CHST11: variants seen among roughly 807,000 people sequenced by gnomAD.
CHST11 encodes C4S-1.
CHST11 carries 9 observed loss-of-function variants against 30.4 expected under a neutral mutation model. The ratio of observed to expected loss-of-function variants is 0.30; its 90% CI spans 0.18 to 0.52. The LOEUF is 0.52. Among genes scored for constraint, CHST11 ranks in the 20% least tolerant of loss-of-function variants. The probability of loss-of-function intolerance (pLI) is 0.97; values close to 1 mark genes in which losing one functional copy is unlikely to be tolerated. For missense variants in CHST11, 348 were observed against 460.6 expected, an observed-to-expected ratio of 0.76 and a Z score of 2.24; for synonymous variants, 152 against 187.8, an observed-to-expected ratio of 0.81 and a Z score of 1.56.
At chr12:104,474,745 T>A (rs1019126876) in intron 1 of CHST11, among the ~76,000 whole-genome samples, 8 of 150,236 alleles carry the variant, frequency 5.3e-5, no homozygotes, top group Admixed American at 5.3e-4. Context: ...GGGCATTGGG[T>A]GGGCATTGGG....
chr12:104,711,562 G>A (rs1008560814), intron 2 of CHST11, among the ~76,000 whole-genome samples: 4 of 152,094 alleles, frequency 2.6e-5, no homozygotes, highest in East Asian at 1.9e-4. Context: ...AATCCAAAGT[G>A]GGGGATGGCA....
chr12:104,570,686 C>T (rs892755733), intron 1 of CHST11, among the ~76,000 whole-genome samples: 1 of 145,424 alleles, frequency 6.9e-6, no homozygotes, highest in African/African-American at 2.5e-5. Context: ...ATATGTAAGC[C>T]ACTGCACTTT....
At chr12:104,637,430 T>C (rs916882328) in intron 2 of CHST11, among the ~76,000 whole-genome samples, 9 of 149,380 alleles carry the variant, frequency 6.0e-5, no homozygotes, top group South Asian at 4.3e-4. Context: ...GGCACATGTA[T>C]ACATATGTAA....
chr12:104,574,217 G>C (rs923054058), intron 1 of CHST11, among the ~76,000 whole-genome samples: 1 of 152,230 alleles, frequency 6.6e-6, no homozygotes, highest in African/African-American at 2.4e-5. Flanking sequence ...AACAACAGGT[G>C]CTGGAGAGGA....
chr12:104,743,409 G>A (rs544569251), intron 2 of CHST11, among the ~76,000 whole-genome samples: 1 of 152,214 alleles, frequency 6.6e-6, no homozygotes, highest in African/African-American at 2.4e-5. Flanking sequence ...GTTCCACTAA[G>A]TGAGCAGGGG....
rs1474680500 is a variant in CHST11, at chr12:104,619,004, G to A, written c.204+17013G>A. Among the ~76,000 whole-genome samples the A allele has an allele frequency of 3.9e-5, 6 of 152,356 alleles. No individual in the cohort carries two copies. In the East Asian group the frequency reaches 1.2e-3, roughly 29 times the overall value. On this transcript the variant is annotated intron_variant, in intron 2 of 2. Transcript: ENST00000303694. ...CAGTGGTTTGTGGAAGGAGTATACA[G>A]AGCTTGTAAATGGGCTGAGTCAATG...
At chr12:104,514,184 G>C (rs1425995556) in intron 1 of CHST11, 1 of 934,538 alleles carries the variant, frequency 1.1e-6, no homozygotes, top group Non-Finnish European at 1.8e-6. Flanking sequence ...TGGCCACATA[G>C]GAGTTCCAGA....
intron 2 of CHST11, among the ~76,000 whole-genome samples, chr12:104,674,286 G>A (rs533568751): frequency 9.9e-5 from 15 of 152,174 alleles, no homozygotes; most frequent in South Asian, 2.1e-4. Flanking sequence ...AGAGTGATCC[G>A]AACCAGATCA....
At chr12:104,571,363 C>T (rs1471332398) in intron 1 of CHST11, among the ~76,000 whole-genome samples, 1 of 151,770 alleles carries the variant, frequency 6.6e-6, no homozygotes, top group Non-Finnish European at 1.5e-5. Flanking sequence ...GGGTTTCCCC[C>T]TGTTGGTCAG....
chr12:104,571,855 A>G (rs1028879365), intron 1 of CHST11, among the ~76,000 whole-genome samples: 1 of 152,226 alleles, frequency 6.6e-6, no homozygotes, highest in Non-Finnish European at 1.5e-5. Context: ...TGGGTTTGTC[A>G]TAGATAGCTC....
intron 2 of CHST11, among the ~76,000 whole-genome samples, chr12:104,752,977 C>G (rs1430634643): frequency 8.5e-5 from 13 of 152,172 alleles, no homozygotes; most frequent in Admixed American, 7.2e-4. Flanking sequence ...CCGGGGATAT[C>G]GCTATGGAAA....
Position 104,593,435 on chromosome 12 carries a change from C to T in CHST11, c.119-8471C>T, listed in dbSNP as rs368008871. Among the ~76,000 whole-genome samples the T allele has an allele frequency of 5.9e-5, 9 of 152,300 alleles. No individual in the cohort carries two copies. The East Asian group carries it at 1.3e-3, about 23-fold the overall frequency. On this transcript the variant is annotated intron_variant, in intron 1 of 2. Transcript: ENST00000303694. Reference sequence around the variant, plus strand: ...TTAAGTTTGATAATGGCATGAATGACAGGTTAGGCTGAACCCTATTTTCAC... The same window carrying T: ...TTAAGTTTGATAATGGCATGAATGATAGGTTAGGCTGAACCCTATTTTCAC...
At chr12:104,670,068 C>G (rs1408866915) in intron 2 of CHST11, among the ~76,000 whole-genome samples, 1 of 152,256 alleles carries the variant, frequency 6.6e-6, no homozygotes, top group East Asian at 1.9e-4. Context: ...AAGCCAACAG[C>G]TGGACAGAGG....
At chr12:104,708,103 A>G (rs1265103821) in intron 2 of CHST11, among the ~76,000 whole-genome samples, 1 of 152,204 alleles carries the variant, frequency 6.6e-6, no homozygotes, top group East Asian at 1.9e-4. Flanking sequence ...TTGTCGGGCC[A>G]TGTTCAGATG....
Position 104,605,593 on chromosome 12 carries a change from TA to T in CHST11, c.204+3612del, listed in dbSNP as rs891339180. On this transcript the variant is annotated intron_variant, in intron 2 of 2. Coordinates refer to ENST00000303694, the MANE Select transcript of CHST11 (RefSeq NM_018413.6). The stretch of plus-strand genomic sequence containing the variant: ...GACTCCGTCTCAAAAAAATAAAAAA[TA>T]AAAAAAAAAGTTTGGAGTTGATATT... 3.9e-3 allele frequency among the ~76,000 whole-genome samples: 595 copies of T among 151,858 alleles called. 7 individuals carry two copies. Among genetic ancestry groups the T allele is most frequent in the African/African-American group, 0.013 (555 of 41,364 alleles).
chr12:104,628,509 C>T (rs1443486322), intron 2 of CHST11, among the ~76,000 whole-genome samples: 1 of 152,210 alleles, frequency 6.6e-6, no homozygotes, highest in South Asian at 2.1e-4. Context: ...GCCACTGATG[C>T]TCAGTGAAAT....
Position 104,757,645 on chromosome 12 carries a change from T to C in CHST11, c.901T>C (p.Phe301Leu). 1 of 1,614,124 alleles carries C rather than the reference T, an allele frequency of 6.2e-7. No homozygotes were observed. The highest frequency in any genetic ancestry group is 8.5e-7 in the Non-Finnish European group (1 of 1,180,018). The change falls in exon 3 of 3, where the codon TTC (phenylalanine) becomes CTC (leucine). Residue 301 changes from phenylalanine (F) to leucine (L), a missense_variant. Transcript: ENST00000303694. This position sits in a 1 kb window ranked among gnomAD's most constrained non-coding sequence, Gnocchi z 6.5. ...QLAGVGSYLK[F>L]PTYAKSTRTT... ...GGCAGGAGTGGGCAGCTACCTGAAG[T>C]TCCCCACCTATGCAAAGTCTACGAG...
At chr12:104,625,600 CA>C (rs2039207055) in intron 2 of CHST11, among the ~76,000 whole-genome samples, 1 of 152,216 alleles carries the variant, frequency 6.6e-6, no homozygotes, top group African/African-American at 2.4e-5. Flanking sequence ...CCACCACGCC[CA>C]GCTGGCCATC....
intron 1 of CHST11, among the ~76,000 whole-genome samples, chr12:104,556,593 C>G (rs2038457417): frequency 6.6e-6 from 1 of 152,216 alleles, no homozygotes; most frequent in Admixed American, 6.5e-5. Context: ...AGACACGTCT[C>G]TCCAGGCTCT....
Sources: gnomAD v4.1 joint callset for allele counts (sites outside exome capture counted in the v4.1 genomes callset) on GRCh38, gnomAD v4.1.1 for gene constraint, Gnocchi (gnomAD v3.1) non-coding constraint, MANE v1.5 for transcripts, NCBI Gene and HGNC (gene_info 2026-07-23, HGNC 2026-07-21) for gene names.